TEX14: variants seen among roughly 807,000 people sequenced by gnomAD.
TEX14 encodes the protein testis expressed 14, intercellular bridge forming factor.
Under a neutral mutation model 178.6 loss-of-function variants are expected in TEX14, and 168 were observed. The ratio of observed to expected loss-of-function variants is 0.94; its 90% CI spans 0.83 to 1.07. The LOEUF is 1.07. Among genes scored for constraint, TEX14 ranks in the 50% least tolerant of loss-of-function variants. The pLI is 0.00. For missense variants in TEX14, 1,730 were observed against 1,753.6 expected (o/e 0.99, Z 0.24); for synonymous variants, 626 against 634.1 (o/e 0.99, Z 0.19).
chr17:58,683,886 G>A (rs2047545098), intron 1 of TEX14, among the ~76,000 whole-genome samples: 1 of 150,956 alleles, frequency 6.6e-6, no homozygotes, highest in South Asian at 2.1e-4. Context: ...CCAACATGAT[G>A]AAACCCCATC....
intron 19 of TEX14, among the ~76,000 whole-genome samples, chr17:58,583,954 T>C (rs941982135): frequency 6.6e-6 from 1 of 152,236 alleles, no homozygotes; most frequent in African/African-American, 2.4e-5. Flanking sequence ...AAAAAAATTT[T>C]GGTTTCTTAG....
At chr17:58,688,147 T>G (rs1300986011) in intron 1 of TEX14, among the ~76,000 whole-genome samples, 1 of 152,074 alleles carries the variant, frequency 6.6e-6, no homozygotes, top group Non-Finnish European at 1.5e-5. Context: ...TGAGACTGAG[T>G]TTTCCTCTTG....
rs773759615 is a variant in TEX14 at position 58,573,202 on chromosome 17, C to T, written c.3490G>A (p.Val1164Ile). 6 of 1,614,148 alleles carry T rather than the reference C, an allele frequency of 3.7e-6. No homozygotes were observed. The highest frequency in any genetic ancestry group is 2.2e-5 in the East Asian group (1 of 44,876). ...TPKINHAPTS[V>I]STPLSPGSVS... Reference sequence around the variant, plus strand: ...TTACCTGGGCTGAGTGGAGTGCTGACACTGGTAGGTGCATGGTTTATTTTG... The same window carrying T: ...TTACCTGGGCTGAGTGGAGTGCTGATACTGGTAGGTGCATGGTTTATTTTG... Residue 1164 changes from valine (V) to isoleucine (I), a missense_variant, in exon 23 of 32, where the codon GTC becomes ATC. Coordinates refer to ENST00000349033, the MANE Select transcript of TEX14 (RefSeq NM_031272.5).
At chr17:58,640,633 G>A (rs1470044007) in intron 2 of TEX14, among the ~76,000 whole-genome samples, 1 of 139,096 alleles carries the variant, frequency 7.2e-6, no homozygotes, top group East Asian at 2.0e-4. Context: ...GTGTGTGTGT[G>A]TGTGTGTGTG....
chr17:58,616,446 T>C, intron 6 of TEX14, 141 bp from the exon 7 acceptor site: 1 of 1,101,778 alleles, frequency 9.1e-7, no homozygotes, highest in Middle Eastern at 2.3e-4. Context: ...GCCTTTTTTT[T>C]TTTTTGAGAC....
At chr17:58,686,316 G>A (rs2047590964) in intron 1 of TEX14, among the ~76,000 whole-genome samples, 1 of 152,140 alleles carries the variant, frequency 6.6e-6, no homozygotes, top group Non-Finnish European at 1.5e-5. Context: ...GAAAGGGAAG[G>A]AGGTGTCAAG....
At chr17:58,689,289 T>C (rs1339984263) in intron 1 of TEX14, among the ~76,000 whole-genome samples, 1 of 151,876 alleles carries the variant, frequency 6.6e-6, no homozygotes, top group Non-Finnish European at 1.5e-5. Context: ...TGGCCTGATC[T>C]CACTCACTGC....
intron 13 of TEX14, among the ~76,000 whole-genome samples, chr17:58,601,561 G>T (rs1344133455): frequency 6.6e-6 from 1 of 151,984 alleles, no homozygotes; most frequent in Non-Finnish European, 1.5e-5. Flanking sequence ...CAGCATGGTG[G>T]CACATGCCTG....
intron 2 of TEX14, chr17:58,631,663 GAGA>G (rs1246868189): frequency 6.7e-6 from 1 of 149,388 alleles, no homozygotes; most frequent in Non-Finnish European, 1.5e-5. Context: ...GCCTTCTCTA[GAGA>G]AGAACGGTCA....
chr17:58,642,620 C>T (rs971331805), intron 2 of TEX14, among the ~76,000 whole-genome samples: 1 of 151,830 alleles, frequency 6.6e-6, no homozygotes, highest in Admixed American at 6.6e-5. Flanking sequence ...TTCTGCCTCC[C>T]GGGTTCAAGT....
intron 2 of TEX14, among the ~76,000 whole-genome samples, chr17:58,640,742 G>A (rs962828824): frequency 6.6e-6 from 1 of 151,852 alleles, no homozygotes; most frequent in African/African-American, 2.4e-5. Flanking sequence ...CTTATTTATT[G>A]AGACGGTCTT....
intron 2 of TEX14, among the ~76,000 whole-genome samples, chr17:58,644,789 T>C (rs1330572829): frequency 6.7e-6 from 1 of 149,632 alleles, no homozygotes; most frequent in African/African-American, 2.5e-5. Context: ...ATTATGGGAT[T>C]ATAGGCGCCC....
chr17:58,583,074 G>A (rs1000671327), intron 19 of TEX14, among the ~76,000 whole-genome samples: 1 of 151,144 alleles, frequency 6.6e-6, no homozygotes, highest in South Asian at 2.1e-4. Flanking sequence ...GGGCTCAAGC[G>A]ATCCTCCTGC....
chr17:58,576,785 T>C (rs958820311), intron 21 of TEX14, among the ~76,000 whole-genome samples: 1 of 152,240 alleles, frequency 6.6e-6, no homozygotes, highest in African/African-American at 2.4e-5. Flanking sequence ...TAAATAACTT[T>C]TTGGGATTGC....
At chr17:58,617,281 A>C (rs1410915096) in intron 6 of TEX14, among the ~76,000 whole-genome samples, 1 of 152,200 alleles carries the variant, frequency 6.6e-6, no homozygotes, top group Non-Finnish European at 1.5e-5. Context: ...TTAAAAACTA[A>C]AAATTAATTA....
intron 2 of TEX14, among the ~76,000 whole-genome samples, chr17:58,639,691 G>A (rs2046528844): frequency 6.6e-6 from 1 of 152,152 alleles, no homozygotes; most frequent in Admixed American, 6.6e-5. Flanking sequence ...TTCTGGTAAA[G>A]GTGCCTGGTC....
intron 1 of TEX14, among the ~76,000 whole-genome samples, chr17:58,689,659 T>C (rs2047658841): frequency 6.6e-6 from 1 of 152,046 alleles, no homozygotes. Context: ...CCCTGAAAGA[T>C]TTTTTTTGAG....
intron 13 of TEX14, 93 bp downstream of exon 13, chr17:58,601,713 T>A (rs1335737319): frequency 8.5e-7 from 1 of 1,178,602 alleles, no homozygotes; most frequent in Non-Finnish European, 1.2e-6. Flanking sequence ...ACAAGTTACA[T>A]CTACAGTTTA....
chr17:58,602,451 G>A lies in TEX14; in HGVS notation c.1476C>T (p.Asp492=). 6.2e-7 allele frequency: 1 copy of A among 1,613,998 alleles called. No homozygotes were observed. Among genetic ancestry groups the A allele is most frequent in the Non-Finnish European group, 8.5e-7 (1 of 1,179,998 alleles). ...VKSGIHVKQK[D]RTMNLQDIRY... is the part of the protein sequence containing the mutation. ...GGATATCTTGAAGGTTCATAGTTCG[G>A]TCTTTCTGCTTGACGTGGATGCCTG... Residue 492 remains aspartate, a synonymous_variant, in exon 12 of 32, where the codon GAC becomes GAT. Coordinates refer to ENST00000349033, the MANE Select transcript of TEX14 (RefSeq NM_031272.5).
Sources: allele counts gnomAD v4.1 joint callset (sites outside exome capture counted in the v4.1 genomes callset), GRCh38; gene constraint gnomAD v4.1.1; transcripts MANE v1.5; gene names NCBI Gene and HGNC (gene_info 2026-07-23, HGNC 2026-07-21).